The following CORO2A variants were observed in gnomAD, a reference collection of about 807,000 sequenced individuals.
CORO2A encodes the protein coronin-2A.
CORO2A carries 47 observed loss-of-function variants against 62.4 expected under a neutral mutation model. The observed-to-expected ratio is 0.75, with a 90% confidence interval of 0.60 to 0.96. CORO2A has a LOEUF of 0.96. Among genes scored for constraint, CORO2A ranks in the 40% least tolerant of loss-of-function variants. The probability of loss-of-function intolerance (pLI) is 0.00; values close to 1 mark genes in which losing one functional copy is unlikely to be tolerated. For synonymous variants in CORO2A, 273 were observed against 268.9 expected (o/e 1.02, Z -0.15); for missense variants, 610 against 684.1 (o/e 0.89, Z 1.21).
At chr9:98,131,155 C>T (rs1199418732) in intron 6 of CORO2A, 96 bp from the exon 7 acceptor site, 7 of 764,206 alleles carry the variant, frequency 9.2e-6, no homozygotes, top group Admixed American at 4.8e-5. Flanking sequence ...GTGCTCTGGG[C>T]GAGAGTGTGT....
intron 1 of CORO2A, among the ~76,000 whole-genome samples, chr9:98,185,940 C>G (rs1340586574): frequency 1.3e-5 from 2 of 152,222 alleles, no homozygotes; most frequent in Non-Finnish European, 2.9e-5. Context: ...GGAGACAACT[C>G]TCAGGGGACC....
At chr9:98,151,673 CTTTTT>C (rs1197238736) in intron 2 of CORO2A, among the ~76,000 whole-genome samples, 1 of 151,900 alleles carries the variant, frequency 6.6e-6, no homozygotes, top group Non-Finnish European at 1.5e-5. Flanking sequence ...CGCTATTTTT[CTTTTT>C]TTGAGACGGA....
intron 1 of CORO2A, among the ~76,000 whole-genome samples, 198 bp from the exon 2 acceptor site, chr9:98,157,858 A>G (rs1055931180): frequency 1.3e-5 from 2 of 152,198 alleles, no homozygotes; most frequent in Non-Finnish European, 2.9e-5. Flanking sequence ...GTAAGATAAG[A>G]TGGGATGAAG....
chr9:98,172,298 A>C (rs979184186), intron 1 of CORO2A, among the ~76,000 whole-genome samples: 1 of 57,888 alleles, frequency 1.7e-5, no homozygotes, highest in Non-Finnish European at 3.3e-5. Flanking sequence ...CCCACGCCCC[A>C]CTTCCGAGCT....
chr9:98,188,146 G>A (rs1828261848), intron 1 of CORO2A, among the ~76,000 whole-genome samples: 1 of 152,092 alleles, frequency 6.6e-6, no homozygotes, highest in East Asian at 1.9e-4. Context: ...TTTTGCCCCA[G>A]CTGTTCCCTC....
At chr9:98,191,814 G>C (rs1564223976) in intron 1 of CORO2A, among the ~76,000 whole-genome samples, 1 of 152,226 alleles carries the variant, frequency 6.6e-6, no homozygotes, top group Non-Finnish European at 1.5e-5. Flanking sequence ...ACACCAGCTA[G>C]TGTGTGTCAC....
chr9:98,159,340 C>T (rs992200870), intron 1 of CORO2A, among the ~76,000 whole-genome samples: 3 of 152,156 alleles, frequency 2.0e-5, no homozygotes, highest in Admixed American at 1.3e-4. Context: ...GAGCCACTGC[C>T]CCTGGCCTCA....
rs186187470 is a variant in CORO2A at position 98,157,553 on chromosome 9, G to A, written c.108C>T (p.His36=). 1.1e-5 allele frequency: 18 copies of A among 1,614,076 alleles called. No individual in the cohort carries two copies. Among genetic ancestry groups the A allele is most frequent in the Admixed American group, 5.0e-5 (3 of 60,000 alleles). ...YDSVPITRSV[H]DNHFCAVNPH... ...GGTTCACGGCACAGAAGTGGTTGTC[G>A]TGAACGCTGCGGGTGATAGGCACGG... The change falls in exon 2 of 12, where the codon CAC becomes CAT. Residue 36 remains histidine (H), a synonymous_variant. Transcript: ENST00000375077.
At chr9:98,128,467 G>A (rs1827359271) in intron 9 of CORO2A, 140 bp downstream of exon 9, 2 of 802,938 alleles carry the variant, frequency 2.5e-6, no homozygotes, top group Non-Finnish European at 4.2e-6. Flanking sequence ...GCCCACTGAT[G>A]TCACACTGGC....
chr9:98,139,949 C>T (rs771786893), intron 2 of CORO2A, among the ~76,000 whole-genome samples: 1 of 152,124 alleles, frequency 6.6e-6, no homozygotes, highest in African/African-American at 2.4e-5. Context: ...GCCACACAGC[C>T]CTGAAGCTAT....
At chr9:98,183,244 G>C (rs1014461122) in intron 1 of CORO2A, among the ~76,000 whole-genome samples, 2 of 152,194 alleles carry the variant, frequency 1.3e-5, no homozygotes, top group Non-Finnish European at 1.5e-5. Context: ...TCCACAGTTG[G>C]ACAGTTTGGT....
At chr9:98,128,349 C>A in intron 9 of CORO2A, 89 bp from the exon 10 acceptor site, 1 of 1,060,484 alleles carries the variant, frequency 9.4e-7, no homozygotes. Flanking sequence ...CAGGCTCTCA[C>A]CAACCCCTGC....
chr9:98,184,787 C>T (rs955363123), intron 1 of CORO2A, among the ~76,000 whole-genome samples: 1 of 152,154 alleles, frequency 6.6e-6, no homozygotes, highest in Admixed American at 6.5e-5. Context: ...GGCTGTCTGT[C>T]TCTGTCCGAT....
At chr9:98,181,153 T>C (rs1828170888) in intron 1 of CORO2A, among the ~76,000 whole-genome samples, 1 of 151,258 alleles carries the variant, frequency 6.6e-6, no homozygotes, top group East Asian at 2.3e-4. Flanking sequence ...GGGTGAAGGC[T>C]GCTCCCATGT....
At position 98,123,397 on chromosome 9, in the gene CORO2A, AG is replaced by A; in HGVS notation, c.*1376del. 1 of 152,242 alleles carries A rather than the reference AG, an allele frequency of 6.6e-6. No individual in the cohort carries two copies. The highest frequency in any genetic ancestry group is 2.1e-4 in the South Asian group (1 of 4,822). The allele number at this position is 152,242 out of a possible 1,614,324, so 9.4% of individuals were successfully genotyped here. A position where few individuals can be genotyped will look rare whatever the true frequency, so the allele number is the denominator to read the frequency against. ...TCCTAGCAGAATTGTTTTTCATACT[AG>A]CCCAACATATAAAATAGAAGGGAGC... On this transcript the variant is annotated 3_prime_UTR_variant, in exon 12 of 12. Transcript: ENST00000375077.
chr9:98,155,151 T>C (rs1301479544), intron 2 of CORO2A, among the ~76,000 whole-genome samples: 1 of 152,172 alleles, frequency 6.6e-6, no homozygotes. Context: ...TGAGGTTGAG[T>C]AGTTTTTCAA....
intron 2 of CORO2A, among the ~76,000 whole-genome samples, chr9:98,143,755 G>A (rs1827605830): frequency 6.6e-6 from 1 of 152,182 alleles, no homozygotes; most frequent in African/African-American, 2.4e-5. Flanking sequence ...TCACTGGGCA[G>A]GGGACAAACT....
intron 11 of CORO2A, 151 bp from the exon 12 acceptor site, chr9:98,125,056 C>T (rs2118783901): frequency 1.3e-6 from 1 of 750,710 alleles, no homozygotes; most frequent in Non-Finnish European, 2.1e-6. Context: ...AGATCTTTTA[C>T]AAACACCTTG....
rs573418323 is a variant in CORO2A at position 98,127,117 on chromosome 9, T to C, written c.1172-294A>G. ...ACTCACATGAGACCTTGCCCTTGCT[T>C]TGTAAGGACAGTCCCACCCACACTG... On this transcript the variant is annotated intron_variant, in intron 10 of 11. Coordinates refer to ENST00000375077, the MANE Select transcript of CORO2A (RefSeq NM_052820.4). Among the ~76,000 whole-genome samples the C allele has an allele frequency of 8.5e-5, 13 of 152,246 alleles. No individual in the cohort carries two copies. In the East Asian group the frequency reaches 2.5e-3, roughly 29 times the overall value.
Sources: gnomAD v4.1 joint callset for allele counts (sites outside exome capture counted in the v4.1 genomes callset) on GRCh38, gnomAD v4.1.1 for gene constraint, MANE v1.5 for transcripts, NCBI Gene and HGNC (gene_info 2026-07-23, HGNC 2026-07-21) for gene names.